DGKB: variants seen among roughly 807,000 people sequenced by gnomAD.
DGKB encodes the protein 90 kDa diacylglycerol kinase.
Under a neutral mutation model 114.3 loss-of-function variants are expected in DGKB, and 67 were observed. The observed-to-expected ratio is 0.59, with a 90% confidence interval of 0.48 to 0.72. The LOEUF is 0.72. DGKB is among the 30% of genes least tolerant of loss of function. The pLI is 0.00. For synonymous variants in DGKB, 398 were observed against 323.1 expected, an observed-to-expected ratio of 1.23 and a Z score of -2.49; for missense variants, 907 against 975.2, an observed-to-expected ratio of 0.93 and a Z score of 0.93.
intron 20 of DGKB, among the ~76,000 whole-genome samples, chr7:14,551,578 G>C (rs1288534573): frequency 6.6e-6 from 1 of 152,056 alleles, no homozygotes; most frequent in Admixed American, 6.6e-5. Context: ...GGCTAAGATA[G>C]TCTTACATGA....
intron 23 of DGKB, among the ~76,000 whole-genome samples, chr7:14,255,855 G>C (rs1287611191): frequency 6.6e-6 from 1 of 151,444 alleles, no homozygotes; most frequent in Admixed American, 6.6e-5. Context: ...ATCAGGCTTT[G>C]AGCATGTGCT....
intron 21 of DGKB, among the ~76,000 whole-genome samples, chr7:14,471,273 TATAC>T (rs1781306295): frequency 7.3e-6 from 1 of 137,752 alleles, no homozygotes; most frequent in Non-Finnish European, 1.6e-5. Context: ...AATATATGTG[TATAC>T]ATACATATAT....
In DGKB at chr7:14,481,762, G is replaced by C. The variant is rs576388965; in HGVS notation, c.1771-3537C>G. Among the ~76,000 whole-genome samples the C allele has an allele frequency of 2.6e-5, 4 of 151,960 alleles. No homozygotes were observed. The South Asian group carries it at 8.3e-4, about 32-fold the overall frequency. On this transcript the variant is annotated intron_variant, in intron 20 of 25. Transcript: ENST00000402815. ...GGAATGAATTCCAATCTCTCCCTGTGTGCAAACTTTTCTTTTTCTCAAAAA... is the reference window on the plus strand; with the variant it reads ...GGAATGAATTCCAATCTCTCCCTGTCTGCAAACTTTTCTTTTTCTCAAAAA...
intron 21 of DGKB, among the ~76,000 whole-genome samples, chr7:14,381,959 A>G (rs966622259): frequency 2.0e-5 from 3 of 152,232 alleles, no homozygotes; most frequent in Non-Finnish European, 2.9e-5. Flanking sequence ...AGTTTTTGTT[A>G]TAGTAAAATC....
chr7:14,426,923 G>A (rs956207064), intron 21 of DGKB, among the ~76,000 whole-genome samples: 4 of 151,848 alleles, frequency 2.6e-5, no homozygotes, highest in South Asian at 2.1e-4. Flanking sequence ...AGCCAGGCAC[G>A]GTGGAGTGTG....
intron 5 of DGKB, among the ~76,000 whole-genome samples, chr7:14,720,983 C>A (rs755904078): frequency 7.9e-5 from 12 of 152,062 alleles, no homozygotes; most frequent in Non-Finnish European, 1.6e-4. Flanking sequence ...AACTTTCAGA[C>A]TTGGAGAACA....
chr7:14,626,953 G>C (rs1161393387), intron 14 of DGKB, among the ~76,000 whole-genome samples: 1 of 152,100 alleles, frequency 6.6e-6, no homozygotes, highest in Non-Finnish European at 1.5e-5. Flanking sequence ...GCTTGGGCAA[G>C]TTATTTACCA....
At chr7:14,957,573 A>G (rs1786584335) in intron 1 of DGKB, among the ~76,000 whole-genome samples, 1 of 152,050 alleles carries the variant, frequency 6.6e-6, no homozygotes, top group Admixed American at 6.6e-5. Context: ...TTGTGCACCT[A>G]ACAATGATCT....
chr7:14,185,793 G>C (rs981658930), intron 23 of DGKB, among the ~76,000 whole-genome samples: 11 of 152,278 alleles, frequency 7.2e-5, no homozygotes, highest in African/African-American at 2.6e-4. Context: ...AACAAATGGT[G>C]CTGGGATAAT....
chr7:14,750,114 G>C (rs759033285), intron 4 of DGKB: 1 of 517,842 alleles, frequency 1.9e-6, no homozygotes, highest in African/African-American at 1.9e-5. Flanking sequence ...AGAAACTAAG[G>C]CTCAGAAAAG....
At chr7:14,720,886 A>T (rs1225539544) in intron 5 of DGKB, among the ~76,000 whole-genome samples, 1 of 151,928 alleles carries the variant, frequency 6.6e-6, no homozygotes, top group Non-Finnish European at 1.5e-5. Flanking sequence ...AATTGAAACT[A>T]GCCAACTAAA....
At chr7:14,321,922 A>T (rs1807898315) in intron 23 of DGKB, among the ~76,000 whole-genome samples, 1 of 152,210 alleles carries the variant, frequency 6.6e-6, no homozygotes, top group Admixed American at 6.5e-5. Context: ...CATTTAGAAG[A>T]CTCAGACTGT....
chr7:14,149,412 A>G (rs1416907587), intron 25 of DGKB, among the ~76,000 whole-genome samples, 174 bp from the exon 26 acceptor site: 1 of 152,154 alleles, frequency 6.6e-6, no homozygotes. Context: ...TTTTTAAGGG[A>G]GATAGGGATA....
At chr7:14,941,369 C>T (rs146829986) in intron 1 of DGKB, among the ~76,000 whole-genome samples, 131 of 152,156 alleles carry the variant, frequency 8.6e-4, no homozygotes, top group Middle Eastern at 3.4e-3. Context: ...AGAACTGTAT[C>T]ATTTTGGGAT....
intron 20 of DGKB, among the ~76,000 whole-genome samples, chr7:14,540,425 C>T (rs563671926): frequency 1.3e-5 from 2 of 151,996 alleles, no homozygotes; most frequent in Admixed American, 1.3e-4. Context: ...GTTCATGGCC[C>T]AAATTGGCAG....
chr7:14,752,944 C>G (rs901964638), intron 4 of DGKB, among the ~76,000 whole-genome samples: 1 of 151,944 alleles, frequency 6.6e-6, no homozygotes, highest in Non-Finnish European at 1.5e-5. Flanking sequence ...AACAAGTTTC[C>G]AGAAAAGTCA....
At chr7:14,585,434 T>C (rs900364371) in intron 17 of DGKB, among the ~76,000 whole-genome samples, 5 of 152,188 alleles carry the variant, frequency 3.3e-5, no homozygotes, top group Non-Finnish European at 7.3e-5. Context: ...TGTGTCTTTC[T>C]ACTTTTCCCA....
chr7:14,293,490 T>C (rs2128475452), intron 23 of DGKB, among the ~76,000 whole-genome samples: 1 of 152,294 alleles, frequency 6.6e-6, no homozygotes, highest in Non-Finnish European at 1.5e-5. Flanking sequence ...TTATTGTTAT[T>C]TAAAAAAAAC....
chr7:14,785,154 T>C (rs935741996), intron 2 of DGKB, among the ~76,000 whole-genome samples: 13 of 152,296 alleles, frequency 8.5e-5, no homozygotes, highest in African/African-American at 2.9e-4. Context: ...ACTTATTTTA[T>C]CACATGACTT....
Sources: allele counts gnomAD v4.1 joint callset (sites outside exome capture counted in the v4.1 genomes callset), GRCh38; gene constraint gnomAD v4.1.1; transcripts MANE v1.5; gene names NCBI Gene and HGNC (gene_info 2026-07-23, HGNC 2026-07-21).